C9: variants seen among roughly 807,000 people sequenced by gnomAD.
C9 encodes the protein complement C9, also known as complement component C9.
In C9, 63 loss-of-function variants were observed where a neutral mutation model predicts 65.4. The observed-to-expected ratio is 0.96, with a 90% CI of 0.79 to 1.19. The LOEUF is 1.19. Among genes scored for constraint, C9 ranks in the 50% most tolerant of loss-of-function variants. C9 has a pLI of 0.00. For synonymous variants in C9, 229 were observed against 227.9 expected (o/e 1.00, Z -0.04); for missense variants, 744 against 670.1 (o/e 1.11, Z -1.22).
intron 4 of C9, among the ~76,000 whole-genome samples, chr5:39,338,289 A>G (rs1754007365): frequency 6.6e-6 from 1 of 152,114 alleles, no homozygotes; most frequent in South Asian, 2.1e-4. Flanking sequence ...TAGTGATGTG[A>G]GGGAACCGCT....
chr5:39,284,594 T>A lies in C9; in HGVS notation c.*605A>T, dbSNP rs1752954764. 1 of 152,408 alleles carries A rather than the reference T, an allele frequency of 6.6e-6. No individual in the cohort carries two copies. The highest frequency in any genetic ancestry group is 1.5e-5 in the Non-Finnish European group (1 of 68,194). 9.4% of individuals were successfully genotyped at this position (152,408 alleles called of 1,614,324 possible). On this transcript the variant is annotated 3_prime_UTR_variant, in exon 11 of 11. Coordinates refer to ENST00000263408, the MANE Select transcript of C9 (RefSeq NM_001737.5). ...GTACCCATTAACCAACTCCTCTTTA[T>A]CTCCCTTCAGTCCTCTGGTAAACTA...
At chr5:39,291,293 A>G (rs2111841911) in intron 9 of C9, among the ~76,000 whole-genome samples, 1 of 152,104 alleles carries the variant, frequency 6.6e-6, no homozygotes, top group East Asian at 1.9e-4. Context: ...AATACAAATT[A>G]GTGAATTAGT....
intron 1 of C9, among the ~76,000 whole-genome samples, chr5:39,358,992 T>A (rs896982243): frequency 8.0e-4 from 51 of 63,716 alleles, no homozygotes; most frequent in South Asian, 2.6e-3. Context: ...CTCAAAAAAA[T>A]AAATAAATAA....
chr5:39,355,972 A>C (rs1754407777), intron 1 of C9, among the ~76,000 whole-genome samples: 1 of 152,230 alleles, frequency 6.6e-6, no homozygotes, highest in African/African-American at 2.4e-5. Context: ...CTGAATATAC[A>C]GTCACATTAA....
intron 9 of C9, among the ~76,000 whole-genome samples, chr5:39,293,950 A>C (rs1006747711): frequency 2.6e-5 from 4 of 152,010 alleles, no homozygotes; most frequent in Non-Finnish European, 4.4e-5. Context: ...TATGCTCCTG[A>C]ATGACCATTA....
At chr5:39,335,340 G>A (rs1361109793) in intron 4 of C9, among the ~76,000 whole-genome samples, 1 of 152,164 alleles carries the variant, frequency 6.6e-6, no homozygotes, top group Admixed American at 6.5e-5. Flanking sequence ...TGCAAATTGT[G>A]TTCAAATTAA....
intron 1 of C9, among the ~76,000 whole-genome samples, chr5:39,346,146 C>T (rs556297393): frequency 4.7e-4 from 71 of 152,228 alleles, no homozygotes; most frequent in African/African-American, 1.7e-3. Context: ...CAAAAGCTAG[C>T]AGAAGGCAAG....
chr5:39,302,045 A>C (rs978027235), intron 9 of C9, among the ~76,000 whole-genome samples: 10 of 152,046 alleles, frequency 6.6e-5, no homozygotes, highest in Non-Finnish European at 1.3e-4. Flanking sequence ...ACAGGAATAG[A>C]GGGTCATGAA....
intron 9 of C9, among the ~76,000 whole-genome samples, chr5:39,296,282 C>T (rs964282445): frequency 1.3e-5 from 2 of 151,528 alleles, no homozygotes; most frequent in African/African-American, 2.4e-5. Context: ...TGACAGGAGA[C>T]TAATATCCAG....
Position 39,364,442 on chromosome 5 carries a change from G to A in C9, c.23C>T (p.Ala8Val). 6.2e-7 allele frequency: 1 copy of A among 1,609,764 alleles called. No individual in the cohort carries two copies. Among genetic ancestry groups the A allele is most frequent in the Admixed American group, 1.7e-5 (1 of 60,016 alleles). Residue 8 changes from alanine to valine, a missense_variant, in exon 1 of 11, where the codon GCA (alanine) becomes GTA (valine). Transcript: ENST00000263408. ...TATTTCTAAAATGCAGATTGCAACT[G>A]CAAAGCTCCGGCAGGCTGACATGCT... is the stretch of plus-strand genomic sequence containing the variant. MSACRSF[A>V]VAICILEISI...
At chr5:39,348,941 T>C (rs1211434334) in intron 1 of C9, among the ~76,000 whole-genome samples, 2 of 150,682 alleles carry the variant, frequency 1.3e-5, no homozygotes, top group African/African-American at 2.5e-5. Context: ...AAACATTGCA[T>C]GTTCTCACTC....
chr5:39,361,211 A>G (rs1485078505), intron 1 of C9, among the ~76,000 whole-genome samples: 3 of 152,326 alleles, frequency 2.0e-5, no homozygotes, highest in South Asian at 4.1e-4. Context: ...GTATGAGTCT[A>G]TGGTTTAACC....
intron 4 of C9, among the ~76,000 whole-genome samples, chr5:39,339,647 CTCTCT>C (rs1754034418): frequency 8.1e-6 from 1 of 122,966 alleles, no homozygotes; most frequent in Non-Finnish European, 1.6e-5. Flanking sequence ...ACTGTCTTTT[CTCTCT>C]TTTTTTTTTT....
intron 5 of C9, among the ~76,000 whole-genome samples, chr5:39,316,657 T>C (rs546123433): frequency 2.0e-5 from 3 of 152,210 alleles, no homozygotes; most frequent in Admixed American, 1.3e-4. Context: ...TCCATCCAAG[T>C]CCCTGCAAAG....
chr5:39,310,709 G>T (rs1753465978), intron 7 of C9, among the ~76,000 whole-genome samples: 1 of 151,956 alleles, frequency 6.6e-6, no homozygotes, highest in Admixed American at 6.6e-5. Flanking sequence ...CCCTCTAAAA[G>T]AAAATTTAGA....
intron 5 of C9, among the ~76,000 whole-genome samples, chr5:39,324,031 T>A (rs1471540213): frequency 6.6e-6 from 1 of 151,936 alleles, no homozygotes; most frequent in Non-Finnish European, 1.5e-5. Flanking sequence ...CTACAAACCA[T>A]CTAAAAAAGA....
In C9 at chr5:39,306,607, C is replaced by CG; in HGVS notation, c.1416+9dup. The CG allele has an allele frequency of 6.2e-7, 1 of 1,603,350 alleles. No individual in the cohort carries two copies. The highest frequency in any genetic ancestry group is 8.5e-7 in the Non-Finnish European group (1 of 1,170,410). ...ACAGTCTTCTGTTTGAAAATAAACA[C>CG]GTTTCTTACTTTTTGACTAATGAGA... On this transcript the variant is annotated intron_variant, in intron 9 of 10. Coordinates refer to ENST00000263408, the MANE Select transcript of C9 (RefSeq NM_001737.5).
chr5:39,338,791 G>A (rs538366197), intron 4 of C9, among the ~76,000 whole-genome samples: 8 of 152,274 alleles, frequency 5.3e-5, no homozygotes, highest in African/African-American at 1.9e-4. Context: ...AAAGCGTGAG[G>A]TATTTAAGAA....
intron 6 of C9, among the ~76,000 whole-genome samples, chr5:39,315,299 T>A (rs1579852821): frequency 6.6e-6 from 1 of 152,146 alleles, no homozygotes. Context: ...ATTTTAAAAA[T>A]CACATTTTCA....
Sources: gnomAD v4.1 joint callset for allele counts (sites outside exome capture counted in the v4.1 genomes callset) on GRCh38, gnomAD v4.1.1 for gene constraint, MANE v1.5 for transcripts, NCBI Gene and HGNC (gene_info 2026-07-23, HGNC 2026-07-21) for gene names.